Variants in TMC2 observed in about 807,000 individuals in gnomAD.
The protein encoded by TMC2 is transmembrane channel like 2.
Under a neutral mutation model 105.9 loss-of-function variants are expected in TMC2, and 102 were observed. The observed-to-expected ratio is 0.96, with a 90% CI of 0.82 to 1.14. The LOEUF (loss-of-function observed/expected upper bound fraction) is 1.14. Ranked by LOEUF, TMC2 falls within the 50% of genes most tolerant of loss-of-function variation. The pLI, the probability that TMC2 is intolerant of heterozygous loss-of-function variation, is 0.00. For missense variants in TMC2, 1,093 were observed against 1,134.3 expected, an observed-to-expected ratio of 0.96 and a Z score of 0.52; for synonymous variants, 402 against 422.8, an observed-to-expected ratio of 0.95 and a Z score of 0.60.
intron 2 of TMC2, among the ~76,000 whole-genome samples, chr20:2,557,322 C>T (rs1030773354): frequency 2.6e-5 from 4 of 152,118 alleles, no homozygotes; most frequent in African/African-American, 4.8e-5. Context: ...ACATATCCTC[C>T]GCCCACTGAC....
chr20:2,588,724 T>TG (rs1555774332), intron 7 of TMC2, among the ~76,000 whole-genome samples: 2 of 151,744 alleles, frequency 1.3e-5, no homozygotes, highest in Admixed American at 6.6e-5. Context: ...TGTGTGTGTC[T>TG]TGTCTCAGTG....
chr20:2,615,300 A>G (rs1049358398), intron 14 of TMC2, among the ~76,000 whole-genome samples: 3 of 152,224 alleles, frequency 2.0e-5, no homozygotes, highest in Non-Finnish European at 4.4e-5. Context: ...CAGCCTGGGC[A>G]ACAGAGCGAG....
At chr20:2,554,437 T>A (rs1600098227) in intron 2 of TMC2, among the ~76,000 whole-genome samples, 1 of 152,218 alleles carries the variant, frequency 6.6e-6, no homozygotes, top group South Asian at 2.1e-4. Flanking sequence ...TTGTGTTCAA[T>A]TTCATTGATT....
At chr20:2,637,296 G>A (rs1382409253) in intron 18 of TMC2, among the ~76,000 whole-genome samples, 178 bp from the exon 19 acceptor site, 3 of 151,088 alleles carry the variant, frequency 2.0e-5, no homozygotes, top group African/African-American at 7.3e-5. Flanking sequence ...CTGAGGGCAG[G>A]AGAATCGCTT....
At chr20:2,569,084 G>T (rs190989199) in intron 4 of TMC2, among the ~76,000 whole-genome samples, 2 of 152,258 alleles carry the variant, frequency 1.3e-5, no homozygotes, top group Admixed American at 1.3e-4. Context: ...TTATCTAGTG[G>T]TTGCTGATAA....
chr20:2,566,445 G>A (rs1472853732), intron 4 of TMC2, among the ~76,000 whole-genome samples: 1 of 152,214 alleles, frequency 6.6e-6, no homozygotes, highest in Non-Finnish European at 1.5e-5. Context: ...AGGATGTGAA[G>A]TTGGCATAAC....
chr20:2,615,706 GCTTT>G, intron 14 of TMC2, among the ~76,000 whole-genome samples: 1 of 152,254 alleles, frequency 6.6e-6, no homozygotes, highest in South Asian at 2.1e-4. Flanking sequence ...TTGTTTTTAA[GCTTT>G]CTTTTCTTTT....
At chr20:2,577,001 T>C (rs907762096) in intron 5 of TMC2, among the ~76,000 whole-genome samples, 1 of 149,926 alleles carries the variant, frequency 6.7e-6, no homozygotes, top group African/African-American at 2.5e-5. Flanking sequence ...CTCCGCCTCC[T>C]GGGTTAAGTG....
intron 11 of TMC2, among the ~76,000 whole-genome samples, chr20:2,606,645 G>T (rs930825663): frequency 6.6e-6 from 1 of 151,918 alleles, no homozygotes; most frequent in Non-Finnish European, 1.5e-5. Flanking sequence ...TTTTTAATTT[G>T]TTCTATTCCC....
Position 2,536,989 on chromosome 20 carries a change from G to C in TMC2, c.35-280G>C, listed in dbSNP as rs532038053. Reference sequence around the variant, plus strand: ...GGGCGTCTCAGCCACCTATTGTCTCGGTTAGGGTTGCCTGTTCCGAGCAAG... The same window carrying C: ...GGGCGTCTCAGCCACCTATTGTCTCCGTTAGGGTTGCCTGTTCCGAGCAAG... On this transcript the variant is annotated intron_variant, in intron 1 of 19. Coordinates refer to ENST00000358864, the MANE Select transcript of TMC2 (RefSeq NM_080751.3). 3.5e-4 allele frequency among the ~76,000 whole-genome samples: 54 copies of C among 152,298 alleles called. No homozygotes were observed. In the South Asian group the frequency reaches 0.011, roughly 31 times the overall value.
At chr20:2,561,773 C>A in intron 3 of TMC2, 85 bp from the exon 4 acceptor site, 1 of 1,488,472 alleles carries the variant, frequency 6.7e-7, no homozygotes, top group Non-Finnish European at 9.1e-7. Flanking sequence ...TGCCATCTTC[C>A]ATGGGCCCCT....
chr20:2,568,574 C>T (rs2086080529), intron 4 of TMC2, among the ~76,000 whole-genome samples: 1 of 152,202 alleles, frequency 6.6e-6, no homozygotes, highest in African/African-American at 2.4e-5. Flanking sequence ...GAATTGTTAA[C>T]TGAAGCTGCT....
At chr20:2,598,990 G>A (rs1273793763) in intron 10 of TMC2, among the ~76,000 whole-genome samples, 2 of 152,108 alleles carry the variant, frequency 1.3e-5, no homozygotes, top group Non-Finnish European at 2.9e-5. Flanking sequence ...ATAAACAAAG[G>A]ACTATTTTAG....
rs1439715444 is a variant in TMC2, at chr20:2,592,319, G to T, written c.844G>T (p.Gly282Cys). The change falls in exon 8 of 20, where the codon GGC becomes TGC. Residue 282 changes from glycine (G) to cysteine (C), a missense_variant. Coordinates refer to ENST00000358864, the MANE Select transcript of TMC2 (RefSeq NM_080751.3). The surrounding 1 kb of genome is among the most constrained non-coding windows in gnomAD (Gnocchi z 4.9). ...GLVIIPEVLM[G>C]MPYGSIPRKT... ...TGTGTTTCTGCACAAGGTACTGATG[G>T]GCATGCCCTATGGGAGTATTCCCAG... 1 of 1,612,452 alleles carries T rather than the reference G, an allele frequency of 6.2e-7. No individual in the cohort carries two copies. The highest frequency in any genetic ancestry group is 2.2e-5 in the East Asian group (1 of 44,864).
At chr20:2,593,978 G>A (rs147680208) in intron 8 of TMC2, among the ~76,000 whole-genome samples, 1 of 152,090 alleles carries the variant, frequency 6.6e-6, no homozygotes, top group Admixed American at 6.6e-5. Context: ...CACTGTCATT[G>A]CCTCTCTGCC....
chr20:2,546,442 G>A lies in TMC2; in HGVS notation c.82+9126G>A, dbSNP rs189062804. Among the ~76,000 whole-genome samples, 695 of 151,292 alleles carry A rather than the reference G, an allele frequency of 4.6e-3. 1 individual carries two copies. Among genetic ancestry groups the A allele is most frequent in the Admixed American group, 8.4e-3 (128 of 15,184 alleles). On this transcript the variant is annotated intron_variant, in intron 2 of 19. Transcript: ENST00000358864. The stretch of plus-strand genomic sequence containing the variant: ...AGGATAGGAGGCAGGTAAAAGAATA[G>A]GAAAGAGAAGAATATTGATTATAGA...
At chr20:2,595,010 A>C in intron 9 of TMC2, 43 bp downstream of exon 9, 1 of 1,594,682 alleles carries the variant, frequency 6.3e-7, no homozygotes, top group Non-Finnish European at 8.5e-7. Context: ...CTTCACAGCC[A>C]CAGCTCACTC....
At chr20:2,566,623 T>C (rs1460110365) in intron 4 of TMC2, among the ~76,000 whole-genome samples, 1 of 152,198 alleles carries the variant, frequency 6.6e-6, no homozygotes, top group East Asian at 1.9e-4. Flanking sequence ...GTAGAGACGC[T>C]TTTCCCTATT....
intron 7 of TMC2, among the ~76,000 whole-genome samples, chr20:2,588,020 C>G (rs181719355): frequency 4.3e-4 from 65 of 151,738 alleles, no homozygotes; most frequent in East Asian, 3.9e-3. Flanking sequence ...AATCCCCCCC[C>G]CCTTTGAGTA....
Sources: allele counts gnomAD v4.1 joint callset (sites outside exome capture counted in the v4.1 genomes callset), GRCh38; gene constraint gnomAD v4.1.1; non-coding constraint Gnocchi (gnomAD v3.1); transcripts MANE v1.5; gene names NCBI Gene and HGNC (gene_info 2026-07-23, HGNC 2026-07-21).